Variants in DIP2C observed in about 807,000 individuals in gnomAD.
DIP2C encodes the protein DIP2 acetate--CoA ligase C (putative), also known as disco-interacting protein 2 homolog C.
A neutral mutation model predicts 192.4 loss-of-function variants in DIP2C; 33 were observed. The ratio of observed to expected loss-of-function variants is 0.17; its 90% confidence interval spans 0.13 to 0.23. DIP2C has a LOEUF of 0.23. DIP2C is among the 10% of genes least tolerant of loss of function. DIP2C has a pLI of 1.00. For missense variants in DIP2C, 1,537 were observed against 2,110.1 expected, an observed-to-expected ratio of 0.73 and a Z score of 5.32; for synonymous variants, 979 against 864.1, an observed-to-expected ratio of 1.13 and a Z score of -2.33.
chr10:414,852 TTGTGTGTG>T (rs748231177), intron 7 of DIP2C, among the ~76,000 whole-genome samples: 1,004 of 98,836 alleles, frequency 0.01, 20 homozygotes, highest in Middle Eastern at 0.036. Context: ...ACATATATAT[TTGTGTGTG>T]TGTGTGTGTG....
intron 4 of DIP2C, among the ~76,000 whole-genome samples, chr10:431,603 T>C (rs961787200): frequency 6.6e-6 from 1 of 152,254 alleles, no homozygotes; most frequent in Non-Finnish European, 1.5e-5. Flanking sequence ...TACTTGTTCT[T>C]TGCTGGTAAA....
chr10:451,239 G>A (rs1007856865), intron 3 of DIP2C, among the ~76,000 whole-genome samples: 2 of 152,176 alleles, frequency 1.3e-5, no homozygotes, highest in Non-Finnish European at 2.9e-5. Context: ...CCTAATCTCT[G>A]CAGTGCAGTC....
chr10:519,609 G>C (rs777720869), intron 1 of DIP2C, among the ~76,000 whole-genome samples: 1 of 152,200 alleles, frequency 6.6e-6, no homozygotes, highest in Non-Finnish European at 1.5e-5. Flanking sequence ...ATGCACAGTG[G>C]GTGCAGCCTT....
In DIP2C at chr10:467,740, G is replaced by A. The variant is rs143972541; in HGVS notation, c.268+4699C>T. Among the ~76,000 whole-genome samples the A allele has an allele frequency of 3.9e-5, 6 of 152,014 alleles. No individual in the cohort carries two copies. In the East Asian group the frequency reaches 1.2e-3, roughly 29 times the overall value. On this transcript the variant is annotated intron_variant, in intron 3 of 36. Transcript: ENST00000280886. Reference sequence around the variant, plus strand: ...ACACCACTTGTTCTCACTCATAAATGGGAGTTGAACAATGAGAACACATGG... The same window carrying A: ...ACACCACTTGTTCTCACTCATAAATAGGAGTTGAACAATGAGAACACATGG...
intron 1 of DIP2C, among the ~76,000 whole-genome samples, chr10:584,929 CA>C (rs1350019592): frequency 3.7e-5 from 5 of 135,092 alleles, no homozygotes; most frequent in Non-Finnish European, 7.9e-5. Flanking sequence ...GACCCCCACT[CA>C]CGCGCATCAC....
intron 31 of DIP2C, among the ~76,000 whole-genome samples, chr10:315,281 CAG>C (rs1373934885): frequency 6.6e-6 from 1 of 152,210 alleles, no homozygotes; most frequent in Non-Finnish European, 1.5e-5. Context: ...TACATATTGA[CAG>C]ATTCTAAAAC....
intron 1 of DIP2C, among the ~76,000 whole-genome samples, chr10:646,474 C>A (rs1235362039): frequency 6.6e-6 from 1 of 152,250 alleles, no homozygotes; most frequent in Non-Finnish European, 1.5e-5. Flanking sequence ...GGCGACCGCA[C>A]CAGCCAGGTA....
At chr10:420,017 G>A (rs1327892078) in intron 5 of DIP2C, among the ~76,000 whole-genome samples, 1 of 152,170 alleles carries the variant, frequency 6.6e-6, no homozygotes, top group Admixed American at 6.5e-5. Flanking sequence ...TCTTGATGAC[G>A]GGCGCCACGA....
intron 17 of DIP2C, among the ~76,000 whole-genome samples, chr10:380,591 C>T (rs1564639181): frequency 6.6e-6 from 1 of 152,262 alleles, no homozygotes; most frequent in East Asian, 1.9e-4. Flanking sequence ...ACAGACCCTT[C>T]TCTGCAACAA....
rs1251851439 is a variant in DIP2C at position 363,434 on chromosome 10, G to A, written c.2478-123C>T. 4 of 782,166 alleles carry A rather than the reference G, an allele frequency of 5.1e-6. No homozygotes were observed. The highest frequency in any genetic ancestry group is 2.7e-5 in the East Asian group (1 of 37,240). 48.5% of individuals were successfully genotyped at this position (782,166 alleles called of 1,614,324 possible). ...ACAGCTCCAACTACGACTTCAAAAC[G>A]GCCGCTGTACTTCCGAATTTCCCCA... On this transcript the variant is annotated intron_variant, in intron 20 of 36. Transcript: ENST00000280886. This position sits in a 1 kb window ranked among gnomAD's most constrained non-coding sequence, Gnocchi z 5.4.
At position 575,194 on chromosome 10, in the gene DIP2C, T is replaced by C. The variant is rs577436663; in HGVS notation, c.86-88664A>G. On this transcript the variant is annotated intron_variant, in intron 1 of 36. Coordinates refer to ENST00000280886, the MANE Select transcript of DIP2C (RefSeq NM_014974.3). ...TCCAGGGCATGATTCCATGCTAATCTGAAACATGGAATTATTAATACTTAG... is the reference window on the plus strand; with the variant it reads ...TCCAGGGCATGATTCCATGCTAATCCGAAACATGGAATTATTAATACTTAG... Among the ~76,000 whole-genome samples the C allele has an allele frequency of 5.9e-5, 9 of 152,322 alleles. No homozygotes were observed. The South Asian group carries it at 1.9e-3, about 32-fold the overall frequency.
intron 1 of DIP2C, among the ~76,000 whole-genome samples, chr10:638,790 G>A (rs949031644): frequency 6.6e-6 from 1 of 152,220 alleles, no homozygotes; most frequent in Non-Finnish European, 1.5e-5. Context: ...AGTCTGCAGG[G>A]TGCACATATT....
chr10:504,823 G>A (rs527536365), intron 1 of DIP2C, among the ~76,000 whole-genome samples: 1 of 152,264 alleles, frequency 6.6e-6, no homozygotes, highest in East Asian at 1.9e-4. Flanking sequence ...TCGCACTATG[G>A]CTGCATCACG....
At chr10:687,419 G>T (rs1167523927) in intron 1 of DIP2C, among the ~76,000 whole-genome samples, 2 of 152,194 alleles carry the variant, frequency 1.3e-5, no homozygotes, top group Non-Finnish European at 2.9e-5. Context: ...GCCAGCACAG[G>T]CCGGAGGGTG....
chr10:486,634 C>T, intron 1 of DIP2C, 104 bp from the exon 2 acceptor site: 1 of 938,548 alleles, frequency 1.1e-6, no homozygotes, highest in Non-Finnish European at 1.5e-6. Context: ...TTCTGTGTGC[C>T]TCATTGTTAG....
At chr10:658,575 C>T (rs1856554642) in intron 1 of DIP2C, among the ~76,000 whole-genome samples, 1 of 152,244 alleles carries the variant, frequency 6.6e-6, no homozygotes, top group South Asian at 2.1e-4. Context: ...CAGAAAAGCT[C>T]AAACTGCATG....
chr10:500,146 C>G (rs1845124737), intron 1 of DIP2C, among the ~76,000 whole-genome samples: 1 of 152,262 alleles, frequency 6.6e-6, no homozygotes, highest in Non-Finnish European at 1.5e-5. Flanking sequence ...TACATCTGTA[C>G]CTGCCAGGGA....
At chr10:434,490 C>G (rs1199941445) in intron 4 of DIP2C, among the ~76,000 whole-genome samples, 1 of 152,174 alleles carries the variant, frequency 6.6e-6, no homozygotes, top group Non-Finnish European at 1.5e-5. Flanking sequence ...CCAGGCTGGT[C>G]TCAAATAACC....
chr10:278,317 T>C (rs1954629375), intron 36 of DIP2C, among the ~76,000 whole-genome samples: 1 of 152,262 alleles, frequency 6.6e-6, no homozygotes, highest in Non-Finnish European at 1.5e-5. Flanking sequence ...AGTGGGGGTG[T>C]GTTTCCCAGT....
Sources: gnomAD v4.1 joint callset for allele counts (sites outside exome capture counted in the v4.1 genomes callset) on GRCh38, gnomAD v4.1.1 for gene constraint, Gnocchi (gnomAD v3.1) non-coding constraint, MANE v1.5 for transcripts, NCBI Gene and HGNC (gene_info 2026-07-23, HGNC 2026-07-21) for gene names.